The following IGF2R variants were observed in gnomAD, a reference collection of about 807,000 sequenced individuals.
IGF2R encodes the protein insulin like growth factor 2 receptor, also known as cation-independent mannose-6-phosphate receptor.
In IGF2R, 91 loss-of-function variants were observed where a neutral mutation model predicts 270.6. The observed-to-expected ratio is 0.34, with a 90% CI of 0.28 to 0.40. IGF2R has a LOEUF of 0.40. Among genes scored for constraint, IGF2R ranks in the 10% least tolerant of loss-of-function variants. The probability of loss-of-function intolerance (pLI) is 1.00; values close to 1 mark genes in which losing one functional copy is unlikely to be tolerated. For synonymous variants in IGF2R, 1,316 were observed against 1,258.9 expected, an observed-to-expected ratio of 1.05 and a Z score of -0.96; for missense variants, 2,805 against 3,188.3, an observed-to-expected ratio of 0.88 and a Z score of 2.90.
Position 160,047,168 on chromosome 6 carries a change from G to A in IGF2R, c.2061G>A (p.Lys687=), listed in dbSNP as rs750717503. The part of the protein sequence containing the change: ...GACQVAKSDE[K]TWNLGLSNAK... ...CGTGTGTTTATTTCAGTGATGAGAA[G>A]ACTTGGAACTTGGGTCTGAGTAATG... Residue 687 remains lysine, a synonymous_variant, in exon 16 of 48, where the codon AAG becomes AAA. Transcript: ENST00000356956. 6.2e-7 allele frequency: 1 copy of A among 1,614,100 alleles called. No homozygotes were observed. The highest frequency in any genetic ancestry group is 1.1e-5 in the South Asian group (1 of 91,078).
chr6:160,034,674 T>G (rs1777774427), intron 10 of IGF2R, 152 bp downstream of exon 10: 1 of 514,528 alleles, frequency 1.9e-6, no homozygotes, highest in Non-Finnish European at 3.6e-6. Flanking sequence ...GACTGGGTTT[T>G]TTCTGTTGGA....
intron 33 of IGF2R, 39 bp downstream of exon 33, chr6:160,072,923 C>T (rs569093775): frequency 3.3e-5 from 52 of 1,581,588 alleles, no homozygotes; most frequent in Middle Eastern, 4.1e-4. Context: ...CTGACTCTCC[C>T]GTCCTCTGGG....
intron 1 of IGF2R, among the ~76,000 whole-genome samples, chr6:159,981,146 C>G (rs895176854): frequency 2.0e-5 from 3 of 152,200 alleles, no homozygotes; most frequent in African/African-American, 7.2e-5. Flanking sequence ...TGCTCTTCTG[C>G]TGGAAGCTCT....
At position 160,102,763 on chromosome 6, in the gene IGF2R, T is replaced by C; in HGVS notation, c.6995+92T>C. ...GTTTTGTGGGGTTTTATTTATTTGT[T>C]TTTAAGCCCTACAGCAGCGAAGGCT... On this transcript the variant is annotated intron_variant, in intron 46 of 47. Transcript: ENST00000356956. The surrounding 1 kb of genome is among the most constrained non-coding windows in gnomAD (Gnocchi z 4.5). The C allele has an allele frequency of 7.2e-7, 1 of 1,391,774 alleles. No homozygotes were observed. The highest frequency in any genetic ancestry group is 2.3e-5 in the Admixed American group (1 of 42,778). 86.2% of individuals were successfully genotyped at this position (1,391,774 alleles called of 1,614,324 possible). A position where few individuals can be genotyped will look rare whatever the true frequency, so the allele number is the denominator to read the frequency against.
rs755640551 is a variant in IGF2R, at chr6:160,060,704, C to T, written c.3249C>T (p.Asp1083=). 10 of 1,614,130 alleles carry T rather than the reference C, an allele frequency of 6.2e-6. No homozygotes were observed. Among genetic ancestry groups the T allele is most frequent in the Non-Finnish European group, 8.5e-6 (10 of 1,180,050 alleles). ...TALACVPSPV[D]CQVTDLAGNE... ...TGGCCTGTGTTCCTTCTCCAGTGGACTGCCAAGTCACCGGTAAGGCCGTGC... is the reference window on the plus strand; with the variant it reads ...TGGCCTGTGTTCCTTCTCCAGTGGATTGCCAAGTCACCGGTAAGGCCGTGC... Residue 1083 remains aspartate, a synonymous_variant, in exon 23 of 48, where the codon GAC becomes GAT. Coordinates refer to ENST00000356956, the MANE Select transcript of IGF2R (RefSeq NM_000876.4).
chr6:160,095,624 A>T (rs1010281425), intron 44 of IGF2R: 4 of 152,236 alleles, frequency 2.6e-5, no homozygotes, highest in African/African-American at 9.6e-5. Flanking sequence ...CTTAGAAACA[A>T]GAGGTCTGGC....
rs1410146301 is a variant in IGF2R, at chr6:160,107,723, A to G, written c.*2639A>G. 6.6e-6 allele frequency: 1 copy of G among 152,250 alleles called. No individual in the cohort carries two copies. The highest frequency in any genetic ancestry group is 2.4e-5 in the African/African-American group (1 of 41,470). 9.4% of individuals were successfully genotyped at this position (152,250 alleles called of 1,614,324 possible). On this transcript the variant is annotated 3_prime_UTR_variant, in exon 48 of 48. Coordinates refer to ENST00000356956, the MANE Select transcript of IGF2R (RefSeq NM_000876.4). ...ACAGTGAAGTGGAAATCTGGTTCTT[A>G]TGAACATTTTAAGAGCATCTGAAGC...
chr6:159,969,447 GC>G (rs1293384262), intron 1 of IGF2R, 52 bp downstream of exon 1: 1 of 1,162,484 alleles, frequency 8.6e-7, no homozygotes, highest in African/African-American at 1.6e-5. Flanking sequence ...GGGGTGAGCG[GC>G]CGGCGTGGGG....
chr6:160,011,431 A>G lies in IGF2R; in HGVS notation c.513+646A>G, dbSNP rs117442862. Among the ~76,000 whole-genome samples, 742 of 152,128 alleles carry G rather than the reference A, an allele frequency of 4.9e-3. 6 individuals are homozygous for G. Among genetic ancestry groups the G allele is most frequent in the East Asian group, 0.044 (230 of 5,178 alleles). ...TCTTCTTGGGTGCATGTATGTATAT[A>G]TATCTATATACATACACACTGACCT... On this transcript the variant is annotated intron_variant, in intron 4 of 47. Coordinates refer to ENST00000356956, the MANE Select transcript of IGF2R (RefSeq NM_000876.4).
intron 2 of IGF2R, among the ~76,000 whole-genome samples, chr6:160,001,964 CTTA>C (rs1333021709): frequency 1.3e-5 from 2 of 152,236 alleles, no homozygotes; most frequent in East Asian, 3.8e-4. Flanking sequence ...TCCCTCTAAC[CTTA>C]GCTGCTAATA....
At chr6:159,972,542 C>G (rs189437758) in intron 1 of IGF2R, among the ~76,000 whole-genome samples, 1 of 152,140 alleles carries the variant, frequency 6.6e-6, no homozygotes, top group African/African-American at 2.4e-5. Flanking sequence ...ACCTCTCCTC[C>G]CAAGCCCAGC....
At chr6:159,970,013 A>C (rs1783585669) in intron 1 of IGF2R, among the ~76,000 whole-genome samples, 1 of 152,180 alleles carries the variant, frequency 6.6e-6, no homozygotes, top group South Asian at 2.1e-4. Flanking sequence ...GGTGTCGTCC[A>C]GTGTGAGCTT....
Position 160,091,600 on chromosome 6 carries a change from C to T in IGF2R, c.6655+1497C>T, listed in dbSNP as rs534020949. On this transcript the variant is annotated intron_variant, in intron 44 of 47. Coordinates refer to ENST00000356956, the MANE Select transcript of IGF2R (RefSeq NM_000876.4). ...TGATGATGGGAAAGTTGATCAGCCT[C>T]ATTCACTTGCATAACTCCACAGCAC... 2.6e-5 allele frequency among the ~76,000 whole-genome samples: 4 copies of T among 152,236 alleles called. No homozygotes were observed. The East Asian group carries it at 7.7e-4, about 29-fold the overall frequency.
At chr6:160,067,946 G>A (rs1475498677) in intron 29 of IGF2R, among the ~76,000 whole-genome samples, 1 of 152,156 alleles carries the variant, frequency 6.6e-6, no homozygotes, top group Non-Finnish European at 1.5e-5. Flanking sequence ...AGCACAGACG[G>A]CACGCACTTT....
intron 10 of IGF2R, 33 bp from the exon 11 acceptor site, chr6:160,040,527 T>C: frequency 6.2e-7 from 1 of 1,606,588 alleles, no homozygotes; most frequent in Non-Finnish European, 8.5e-7. Context: ...TGGTCACGTA[T>C]GGAGTTTAAA....
intron 19 of IGF2R, among the ~76,000 whole-genome samples, chr6:160,053,990 A>T (rs1398246870): frequency 6.6e-6 from 1 of 152,154 alleles, no homozygotes; most frequent in East Asian, 1.9e-4. Flanking sequence ...AAGTGCTGGG[A>T]TTATAGGTAT....
intron 2 of IGF2R, among the ~76,000 whole-genome samples, chr6:159,996,849 G>A (rs1274455042): frequency 1.3e-5 from 2 of 152,260 alleles, no homozygotes; most frequent in Admixed American, 6.5e-5. Context: ...GAGAGGGTGA[G>A]GCCCCACCTT....
intron 10 of IGF2R, among the ~76,000 whole-genome samples, chr6:160,036,080 C>A (rs1777817817): frequency 6.6e-6 from 1 of 152,068 alleles, no homozygotes; most frequent in Non-Finnish European, 1.5e-5. Flanking sequence ...GGTGAGTGTG[C>A]AGTATTGTAA....
chr6:160,065,776 A>G (rs534839525), intron 29 of IGF2R, among the ~76,000 whole-genome samples: 154 of 109,958 alleles, frequency 1.4e-3, no homozygotes, highest in Middle Eastern at 0.014. Context: ...TCCTAGAGAT[A>G]TGTGTATGTG....
Sources: gnomAD v4.1 joint callset for allele counts (sites outside exome capture counted in the v4.1 genomes callset) on GRCh38, gnomAD v4.1.1 for gene constraint, Gnocchi (gnomAD v3.1) non-coding constraint, MANE v1.5 for transcripts, NCBI Gene and HGNC (gene_info 2026-07-23, HGNC 2026-07-21) for gene names.